The following HK1 variants were observed in gnomAD, a reference collection of about 807,000 sequenced individuals.
The protein encoded by HK1 is hexokinase 1, also known as hexokinase-1.
A neutral mutation model predicts 91.6 loss-of-function variants in HK1; 28 were observed. That is an observed-to-expected ratio of 0.31 (90% CI 0.23 to 0.42). The LOEUF (loss-of-function observed/expected upper bound fraction) is 0.42, where lower values mean the gene tolerates loss of function less well. HK1 is among the 10% of genes least tolerant of loss of function. The probability of loss-of-function intolerance (pLI) is 1.00; values close to 1 mark genes in which losing one functional copy is unlikely to be tolerated. For missense variants in HK1, 770 were observed against 1,219.8 expected, an observed-to-expected ratio of 0.63 and a Z score of 5.49; for synonymous variants, 430 against 468.1, an observed-to-expected ratio of 0.92 and a Z score of 1.05.
At chr10:69,319,249 C>G in intron 1 of HK1, 1 of 608,174 alleles carries the variant, frequency 1.6e-6, no homozygotes, top group South Asian at 1.9e-5. Flanking sequence ...ACCGGGCTGC[C>G]TGCTGCAGTG....
Position 69,352,741 on chromosome 10 carries a change from T to C in HK1, c.227-7156T>C, listed in dbSNP as rs35975244. ...AGGTTGGGAGGAAATGGTGAATGGT[T>C]GTTAATGGGTATGGAATTTCTTTTG... On this transcript the variant is annotated intron_variant, in intron 2 of 17. Coordinates refer to ENST00000359426, the MANE Select transcript of HK1 (RefSeq NM_000188.3). Among the ~76,000 whole-genome samples the C allele has an allele frequency of 4.2e-3, 644 of 152,266 alleles. 6 individuals are homozygous for C. Among genetic ancestry groups the C allele is most frequent in the Admixed American group, 0.011 (171 of 15,294 alleles).
chr10:69,305,346 G>A (rs1589457132), intron 5 of HK1, among the ~76,000 whole-genome samples: 1 of 152,318 alleles, frequency 6.6e-6, no homozygotes, highest in East Asian at 1.9e-4. Context: ...TGGGAGGCCT[G>A]AGTTCACCTA....
intron 1 of HK1, among the ~76,000 whole-genome samples, chr10:69,332,410 GCTCT>G (rs1245250754): frequency 8.0e-6 from 1 of 125,556 alleles, no homozygotes; most frequent in Admixed American, 8.1e-5. Flanking sequence ...ACAGACTCTT[GCTCT>G]GTCATCCAGG....
intron 2 of HK1, among the ~76,000 whole-genome samples, chr10:69,355,026 G>A (rs183430513): frequency 6.7e-4 from 87 of 130,414 alleles, no homozygotes; most frequent in African/African-American, 2.2e-3. Flanking sequence ...CCAAGATCAC[G>A]CCATTGCACT....
Position 69,343,866 on chromosome 10 carries a change from A to G in HK1, c.103A>G (p.Thr35Ala). 6.2e-7 allele frequency: 1 copy of G among 1,613,248 alleles called. No individual in the cohort carries two copies. Among genetic ancestry groups the G allele is most frequent in the Non-Finnish European group, 8.5e-7 (1 of 1,179,786 alleles). ...CTATGCCATGCGGCTCTCCGATGAA[A>G]CTCTCATAGATATCATGACTCGCTT... ...YLYAMRLSDE[T>A]LIDIMTRFRK... Residue 35 changes from threonine to alanine, a missense_variant, in exon 2 of 18, where the codon ACT becomes GCT. Physicochemically the swap from Thr to Ala is moderately conservative, Grantham distance 58. Transcript: ENST00000359426.
chr10:69,341,960 C>T (rs1647345544), intron 1 of HK1, among the ~76,000 whole-genome samples: 1 of 151,840 alleles, frequency 6.6e-6, no homozygotes, highest in Non-Finnish European at 1.5e-5. Flanking sequence ...CCAGCCTGGC[C>T]AACATGGTGA....
rs1839312134 is a variant in HK1, at chr10:69,380,063, T to A, written c.1233T>A (p.Gly411=). Residue 411 remains glycine (G), a synonymous_variant, in exon 9 of 18, where the codon GGT becomes GGA. Coordinates refer to ENST00000359426, the MANE Select transcript of HK1 (RefSeq NM_000188.3). The surrounding 1 kb of genome is among the most constrained non-coding windows in gnomAD (Gnocchi z 4.0). ...KGTPRLRTTV[G]VDGSLYKTHP... is the part of the protein sequence containing the mutation. Reference sequence around the variant, plus strand: ...CACCCAGGCTGCGGACCACGGTTGGTGTCGACGGATCTCTTTACAAGACGC... The same window carrying A: ...CACCCAGGCTGCGGACCACGGTTGGAGTCGACGGATCTCTTTACAAGACGC... 6.2e-7 allele frequency: 1 copy of A among 1,613,930 alleles called. No homozygotes were observed. Among genetic ancestry groups the A allele is most frequent in the African/African-American group, 1.3e-5 (1 of 74,918 alleles).
chr10:69,273,844 T>G (rs979693588), intron 1 of HK1, among the ~76,000 whole-genome samples: 3 of 152,244 alleles, frequency 2.0e-5, no homozygotes, highest in Non-Finnish European at 4.4e-5. Flanking sequence ...CGTCCATTTT[T>G]TCTAACTTTT....
At chr10:69,336,758 G>C (rs567710193) in intron 1 of HK1, among the ~76,000 whole-genome samples, 11 of 149,400 alleles carry the variant, frequency 7.4e-5, no homozygotes, top group African/African-American at 2.7e-4. Flanking sequence ...TCCTGCCTCA[G>C]CTTCCCAAGT....
intron 16 of HK1, 47 bp from the exon 17 acceptor site, chr10:69,398,548 C>T (rs1317297432): frequency 6.0e-6 from 9 of 1,502,886 alleles, no homozygotes; most frequent in Non-Finnish European, 7.3e-6. Context: ...CCAGGCTGCT[C>T]TTGTGGGTCC....
chr10:69,388,416 C>T (rs118121738), intron 13 of HK1, among the ~76,000 whole-genome samples: 14,492 of 151,230 alleles, frequency 0.096, 918 homozygotes, highest in South Asian at 0.21. Flanking sequence ...TAGTACACTC[C>T]AGCCTGGGTG....
At chr10:69,292,597 G>C (rs902373893) in intron 3 of HK1, among the ~76,000 whole-genome samples, 3 of 152,176 alleles carry the variant, frequency 2.0e-5, no homozygotes, top group African/African-American at 7.2e-5. Flanking sequence ...CACTAATAGT[G>C]GGGAGGAAGA....
chr10:69,295,053 C>CA (rs1190644487), intron 3 of HK1, among the ~76,000 whole-genome samples: 3,559 of 117,038 alleles, frequency 0.03, 53 homozygotes, highest in African/African-American at 0.044. Flanking sequence ...GACCCTGTCT[C>CA]AAAAAAAAAA....
intron 9 of HK1, among the ~76,000 whole-genome samples, chr10:69,382,210 G>A (rs770751586): frequency 2.4e-4 from 36 of 152,176 alleles, no homozygotes; most frequent in South Asian, 1.5e-3. Context: ...GCAACATGGC[G>A]AAACCCTGTC....
chr10:69,319,298 G>A lies in HK1; in HGVS notation c.63+288G>A, dbSNP rs554032602. ...CCCTGGATGTCAGATAGGCCCCCGG[G>A]CTGTGCGGGGAGGTGGCCGGTGGGC... On this transcript the variant is annotated intron_variant, in intron 1 of 17. Coordinates refer to ENST00000359426, the MANE Select transcript of HK1 (RefSeq NM_000188.3). 1.7e-4 allele frequency: 95 copies of A among 545,638 alleles called. No homozygotes were observed. In the Middle Eastern group the frequency reaches 2.0e-3, roughly 11 times the overall value. 33.8% of individuals were successfully genotyped at this position (545,638 alleles called of 1,614,324 possible).
Position 69,273,582 on chromosome 10 carries a change from C to A in HK1, c.-391+3474C>A, listed in dbSNP as rs145301214. Reference sequence around the variant, plus strand: ...GGCCAGGCTGGTGTCGAACTCCTGACCTCAGGTGATCCCCCTGTCTTGGCC... The same window carrying A: ...GGCCAGGCTGGTGTCGAACTCCTGAACTCAGGTGATCCCCCTGTCTTGGCC... On this transcript the variant is annotated intron_variant, in intron 1 of 21. Transcript: ENST00000360289. Among the ~76,000 whole-genome samples, 379 of 152,258 alleles carry A rather than the reference C, an allele frequency of 2.5e-3. 3 individuals are homozygous for A. Among genetic ancestry groups the A allele is most frequent in the African/African-American group, 8.4e-3 (350 of 41,558 alleles).
rs1257169363 is a variant in HK1, at chr10:69,398,577, G to A, written c.2376-18G>A. 1 of 1,605,850 alleles carries A rather than the reference G, an allele frequency of 6.2e-7. No individual in the cohort carries two copies. Among genetic ancestry groups the A allele is most frequent in the Non-Finnish European group, 8.5e-7 (1 of 1,174,524 alleles). On this transcript the variant is annotated intron_variant, in intron 16 of 17. Coordinates refer to ENST00000359426, the MANE Select transcript of HK1 (RefSeq NM_000188.3). The stretch of plus-strand genomic sequence containing the variant: ...TGGGTCCTGCTTCATCCAGCCCTCT[G>A]GCTCTTGTCCCCCACAGTGACCGAT...
intron 1 of HK1, among the ~76,000 whole-genome samples, chr10:69,281,200 A>T (rs1354410432): frequency 6.6e-6 from 1 of 152,172 alleles, no homozygotes; most frequent in Non-Finnish European, 1.5e-5. Flanking sequence ...TAAAACACAG[A>T]TTCATGGTTC....
At chr10:69,367,362 T>C (rs1403859799) in intron 4 of HK1, among the ~76,000 whole-genome samples, 1 of 152,160 alleles carries the variant, frequency 6.6e-6, no homozygotes, top group African/African-American at 2.4e-5. Context: ...GCTCCCTGTT[T>C]CTAGAGGAGC....
Sources: allele counts gnomAD v4.1 joint callset (sites outside exome capture counted in the v4.1 genomes callset), GRCh38; gene constraint gnomAD v4.1.1; non-coding constraint Gnocchi (gnomAD v3.1); transcripts MANE v1.5; gene names NCBI Gene and HGNC (gene_info 2026-07-23, HGNC 2026-07-21).